INPP5D: variants seen among roughly 807,000 people sequenced by gnomAD.
INPP5D encodes inositol polyphosphate-5-phosphatase D.
In INPP5D, 33 loss-of-function variants were observed where a neutral mutation model predicts 122.9. The observed-to-expected ratio is 0.27, with a 90% CI of 0.20 to 0.36. The LOEUF is 0.36. Among genes scored for constraint, INPP5D ranks in the 10% least tolerant of loss-of-function variants. INPP5D has a pLI of 1.00. For missense variants in INPP5D, 1,053 were observed against 1,412.7 expected, an observed-to-expected ratio of 0.75 and a Z score of 4.08; for synonymous variants, 584 against 576.2, an observed-to-expected ratio of 1.01 and a Z score of -0.19.
intron 1 of INPP5D, chr2:233,076,277 G>C (rs1691518680): frequency 6.6e-6 from 1 of 152,260 alleles, no homozygotes; most frequent in Admixed American, 6.5e-5. Flanking sequence ...CTCCACATTT[G>C]TCTGGCAGGC....
chr2:233,176,657 G>GAACA (rs1694647802), intron 17 of INPP5D, among the ~76,000 whole-genome samples: 1 of 134,694 alleles, frequency 7.4e-6, no homozygotes, highest in African/African-American at 2.9e-5. Context: ...GTGGATGGAT[G>GAACA]GGTGGGTGGG....
rs1004433181 is a variant in INPP5D, at chr2:233,161,923, C to G, written c.1240+97C>G. ...TGGGGTGGAGTGACGACATCCATGT[C>G]CCCTTCCTTCCTGCCCCAGGGCCCT... On this transcript the variant is annotated intron_variant, in intron 11 of 26. Transcript: ENST00000445964. 4.7e-6 allele frequency: 7 copies of G among 1,482,668 alleles called. No homozygotes were observed. In the Admixed American group the frequency reaches 1.1e-4, roughly 23 times the overall value. The allele number at this position is 1,482,668 out of a possible 1,614,324, so 91.8% of individuals were successfully genotyped here.
intron 20 of INPP5D, 110 bp downstream of exon 20, chr2:233,184,631 C>T (rs1393167643): frequency 1.5e-5 from 21 of 1,435,254 alleles, no homozygotes; most frequent in Admixed American, 1.1e-4. Flanking sequence ...AAAGGACTCA[C>T]GAAGCTGATC....
intron 19 of INPP5D, 46 bp from the exon 20 acceptor site, chr2:233,184,362 C>T (rs1406667145): frequency 1.9e-6 from 3 of 1,604,464 alleles, no homozygotes; most frequent in Admixed American, 1.7e-5. Context: ...AATGCTCCAT[C>T]TCCAGGCACA....
intron 18 of INPP5D, among the ~76,000 whole-genome samples, chr2:233,181,678 G>C (rs58653945): frequency 6.6e-6 from 1 of 152,130 alleles, no homozygotes; most frequent in Non-Finnish European, 1.5e-5. Flanking sequence ...TCTACACTTA[G>C]CGTCCTCCAC....
At chr2:233,147,788 C>G (rs2106280741) in intron 9 of INPP5D, among the ~76,000 whole-genome samples, 194 bp downstream of exon 9, 1 of 152,316 alleles carries the variant, frequency 6.6e-6, no homozygotes, top group East Asian at 1.9e-4. Context: ...GCTATCACCT[C>G]TCAGTGCCGG....
chr2:233,110,912 G>C (rs970867775), intron 2 of INPP5D, among the ~76,000 whole-genome samples: 1 of 150,220 alleles, frequency 6.7e-6, no homozygotes, highest in Non-Finnish European at 1.5e-5. Context: ...GCGACACAGC[G>C]AGACTCCGTC....
Position 233,204,643 on chromosome 2 carries a change from A to C in INPP5D, c.3493A>C (p.Thr1165Pro). 6.3e-7 allele frequency: 1 copy of C among 1,584,122 alleles called. No homozygotes were observed. The highest frequency in any genetic ancestry group is 8.6e-7 in the Non-Finnish European group (1 of 1,166,482). Residue 1165 changes from threonine (T) to proline (P), a missense_variant, in exon 26 of 27, where the codon ACC (threonine) becomes CCC (proline). Thr to Pro is a conservative substitution (Grantham distance 38, BLOSUM62 -1). Transcript: ENST00000445964. Reference sequence around the variant, plus strand: ...CAAGGGCCGCGACTACCGCGACAACACCGAGCTCCCGCATCACGGCAAGCA... The same window carrying C: ...CAAGGGCCGCGACTACCGCGACAACCCCGAGCTCCCGCATCACGGCAAGCA... ...HSKGRDYRDN[T>P]ELPHHGKHRP...
intron 2 of INPP5D, among the ~76,000 whole-genome samples, chr2:233,116,704 C>G (rs1330191479): frequency 6.6e-6 from 1 of 152,048 alleles, no homozygotes; most frequent in Non-Finnish European, 1.5e-5. Context: ...TCAAGCGATT[C>G]TCCCGCCTCA....
intron 2 of INPP5D, among the ~76,000 whole-genome samples, chr2:233,108,498 G>A (rs1559295599): frequency 6.6e-6 from 1 of 152,204 alleles, no homozygotes; most frequent in Non-Finnish European, 1.5e-5. Context: ...TTCCACATCT[G>A]ATGATCAGTC....
chr2:233,186,046 T>G, intron 21 of INPP5D, 121 bp downstream of exon 21: 1 of 1,310,414 alleles, frequency 7.6e-7, no homozygotes, highest in Non-Finnish European at 9.8e-7. Context: ...ATAGACCAAA[T>G]GCAGAAAGAG....
intron 13 of INPP5D, among the ~76,000 whole-genome samples, chr2:233,165,634 A>G (rs556500688): frequency 3.3e-5 from 5 of 149,282 alleles, no homozygotes; most frequent in East Asian, 4.1e-4. Context: ...CCCCGTATCT[A>G]TGAGTGTGTG....
At chr2:233,068,484 A>G (rs994143029) in intron 1 of INPP5D, among the ~76,000 whole-genome samples, 1 of 151,960 alleles carries the variant, frequency 6.6e-6, no homozygotes, top group Non-Finnish European at 1.5e-5. Flanking sequence ...AATCCCAGCT[A>G]CTTGGGAGGC....
chr2:233,108,145 CCCGAG>C (rs1466678434), intron 2 of INPP5D, among the ~76,000 whole-genome samples: 1 of 152,194 alleles, frequency 6.6e-6, no homozygotes, highest in Non-Finnish European at 1.5e-5. Context: ...ACCCACTGAG[CCCGAG>C]TGGCTTGCGT....
intron 2 of INPP5D, among the ~76,000 whole-genome samples, chr2:233,112,207 G>A (rs1032093508): frequency 2.6e-5 from 4 of 152,138 alleles, no homozygotes; most frequent in African/African-American, 7.2e-5. Flanking sequence ...TTGTCGCTTC[G>A]ACGGTTATTA....
chr2:233,169,185 G>A lies in INPP5D; in HGVS notation c.1556-120G>A, dbSNP rs1186416113. On this transcript the variant is annotated intron_variant, in intron 13 of 26. Transcript: ENST00000445964. ...CTCCCACCCTGCACGACCCTGTTTCGCCCATCCCTTGCCAGCTCCTCACTC... is the reference window on the plus strand; with the variant it reads ...CTCCCACCCTGCACGACCCTGTTTCACCCATCCCTTGCCAGCTCCTCACTC... The A allele has an allele frequency of 2.6e-5, 37 of 1,450,246 alleles. No individual in the cohort carries two copies. In the Admixed American group the frequency reaches 4.8e-4, roughly 19 times the overall value. The allele number at this position is 1,450,246 out of a possible 1,614,324, so 89.8% of individuals were successfully genotyped here. A position where few individuals can be genotyped will look rare whatever the true frequency, so the allele number is the denominator to read the frequency against.
chr2:233,112,064 GAAA>G (rs111594925), intron 2 of INPP5D, among the ~76,000 whole-genome samples: 109 of 117,242 alleles, frequency 9.3e-4, no homozygotes, highest in African/African-American at 2.7e-3. Flanking sequence ...ACTCTGTCTT[GAAA>G]AAAAAAAAAA....
chr2:233,204,742 G>T (rs968600261), intron 26 of INPP5D, 25 bp downstream of exon 26: 12 of 1,459,760 alleles, frequency 8.2e-6, no homozygotes, highest in Non-Finnish European at 1.1e-5. Context: ...ACGTGGGTTC[G>T]TGTGCATTTG....
rs142175689 is a variant in INPP5D at position 233,105,706 on chromosome 2, C to T, written c.199-16401C>T. ...CCACCAGCTCTGCTTTCCTTCAGCC[C>T]TGCCCAGGGCAGCAGGTGATCGTGG... is the stretch of plus-strand genomic sequence containing the variant. On this transcript the variant is annotated intron_variant, in intron 2 of 26. Transcript: ENST00000445964. The surrounding 1 kb of genome is among the most constrained non-coding windows in gnomAD (Gnocchi z 4.0). 5.8e-4 allele frequency among the ~76,000 whole-genome samples: 89 copies of T among 152,322 alleles called. 1 individual carries two copies. In the East Asian group the frequency reaches 0.017, roughly 28 times the overall value.
Sources: allele counts gnomAD v4.1 joint callset (sites outside exome capture counted in the v4.1 genomes callset), GRCh38; gene constraint gnomAD v4.1.1; non-coding constraint Gnocchi (gnomAD v3.1); transcripts MANE v1.5; gene names NCBI Gene and HGNC (gene_info 2026-07-23, HGNC 2026-07-21).